The following GALNTL6 variants were observed in gnomAD, a reference collection of about 807,000 sequenced individuals.
The protein encoded by GALNTL6 is polypeptide N-acetylgalactosaminyltransferase like 6.
In GALNTL6, 46 loss-of-function variants were observed where a neutral mutation model predicts 73.7. The ratio of observed to expected loss-of-function variants is 0.62; its 90% CI spans 0.49 to 0.80. The LOEUF (loss-of-function observed/expected upper bound fraction) is 0.80. Ranked by LOEUF, GALNTL6 falls within the 30% of genes least tolerant of loss-of-function variation. The pLI, the probability that GALNTL6 is intolerant of heterozygous loss-of-function variation, is 0.00. For synonymous variants in GALNTL6, 259 were observed against 263.7 expected (o/e 0.98, Z 0.17); for missense variants, 604 against 755.0 (o/e 0.80, Z 2.34).
At chr4:172,069,439 T>C (rs138858845) in intron 2 of GALNTL6, among the ~76,000 whole-genome samples, 1,072 of 80,692 alleles carry the variant, frequency 0.013, 318 homozygotes, top group African/African-American at 0.052. Context: ...ACATATAACA[T>C]ATATATGTAA....
intron 3 of GALNTL6, among the ~76,000 whole-genome samples, chr4:172,290,303 T>A (rs572330808): frequency 3.9e-5 from 6 of 152,314 alleles, no homozygotes; most frequent in Non-Finnish European, 7.4e-5. Flanking sequence ...GACCGAACCA[T>A]ATTTGCTCTA....
intron 5 of GALNTL6, among the ~76,000 whole-genome samples, chr4:172,382,845 T>C (rs1188222028): frequency 6.6e-6 from 1 of 152,108 alleles, no homozygotes; most frequent in Non-Finnish European, 1.5e-5. Flanking sequence ...TTTCAACCCA[T>C]AATTGGGTTG....
At chr4:171,985,069 G>GT (rs901022372) in intron 2 of GALNTL6, among the ~76,000 whole-genome samples, 5 of 150,946 alleles carry the variant, frequency 3.3e-5, no homozygotes, top group African/African-American at 4.9e-5. Flanking sequence ...GTTTTACAAT[G>GT]TTTTTTTTAG....
At chr4:172,137,434 T>A (rs1156446227) in intron 2 of GALNTL6, among the ~76,000 whole-genome samples, 3 of 152,224 alleles carry the variant, frequency 2.0e-5, no homozygotes, top group African/African-American at 7.2e-5. Context: ...AATATGGTAA[T>A]AGTTTCTTCT....
chr4:172,315,501 T>G (rs1178838332), intron 4 of GALNTL6, among the ~76,000 whole-genome samples: 1 of 152,220 alleles, frequency 6.6e-6, no homozygotes, highest in Non-Finnish European at 1.5e-5. Context: ...TCTGCCTGCC[T>G]TGGCCTCCCA....
chr4:172,782,814 T>C (rs898350733), intron 5 of GALNTL6, among the ~76,000 whole-genome samples: 5 of 152,148 alleles, frequency 3.3e-5, no homozygotes, highest in East Asian at 1.9e-4. Context: ...ACTGTGGAGA[T>C]TGAGGAAAAC....
chr4:172,118,885 C>T (rs1733066566), intron 2 of GALNTL6, among the ~76,000 whole-genome samples: 1 of 151,540 alleles, frequency 6.6e-6, no homozygotes, highest in African/African-American at 2.4e-5. Flanking sequence ...ATAGACAATG[C>T]TTCTAGCTTT....
chr4:171,886,591 C>A (rs1023653549), intron 2 of GALNTL6, among the ~76,000 whole-genome samples: 1 of 152,148 alleles, frequency 6.6e-6, no homozygotes, highest in African/African-American at 2.4e-5. Context: ...AGGTTTAATG[C>A]ACTTCCAGTT....
chr4:171,955,148 G>A, intron 2 of GALNTL6, among the ~76,000 whole-genome samples: 1 of 152,092 alleles, frequency 6.6e-6, no homozygotes, highest in East Asian at 1.9e-4. Context: ...GACCTCTTGT[G>A]TAAAAGAAAT....
chr4:172,619,109 G>A (rs1232300934), intron 5 of GALNTL6, among the ~76,000 whole-genome samples: 1 of 152,074 alleles, frequency 6.6e-6, no homozygotes, highest in Admixed American at 6.6e-5. Context: ...TGGGAGAAGA[G>A]TCTTTTTTTT....
intron 2 of GALNTL6, among the ~76,000 whole-genome samples, chr4:171,956,007 T>G (rs1164163397): frequency 8.6e-6 from 1 of 116,698 alleles, no homozygotes; most frequent in East Asian, 3.0e-4. Flanking sequence ...TTTGTGTGTG[T>G]GTGTGTGGGA....
At chr4:172,111,733 T>C (rs368463203) in intron 2 of GALNTL6, among the ~76,000 whole-genome samples, 3 of 152,074 alleles carry the variant, frequency 2.0e-5, no homozygotes, top group Non-Finnish European at 2.9e-5. Flanking sequence ...CTACTACTTA[T>C]ATACATTTTA....
At chr4:172,246,235 A>G (rs113873707) in intron 3 of GALNTL6, among the ~76,000 whole-genome samples, 2 of 152,284 alleles carry the variant, frequency 1.3e-5, no homozygotes, top group African/African-American at 4.8e-5. Context: ...AGGATGACCA[A>G]CTGAGCCTTA....
chr4:172,773,450 C>A (rs1168994550), intron 5 of GALNTL6, among the ~76,000 whole-genome samples: 1 of 152,084 alleles, frequency 6.6e-6, no homozygotes, highest in Non-Finnish European at 1.5e-5. Flanking sequence ...GCAGAATATT[C>A]TTTTGCCAAA....
At chr4:172,248,292 A>G (rs1018929230) in intron 3 of GALNTL6, among the ~76,000 whole-genome samples, 2 of 152,128 alleles carry the variant, frequency 1.3e-5, no homozygotes, top group African/African-American at 4.8e-5. Flanking sequence ...TGCATTAGTA[A>G]CCTCATAGCA....
At chr4:172,113,968 A>G (rs893278050) in intron 2 of GALNTL6, among the ~76,000 whole-genome samples, 1 of 152,132 alleles carries the variant, frequency 6.6e-6, no homozygotes, top group African/African-American at 2.4e-5. Flanking sequence ...ACAAAATTAT[A>G]ACTACTCAAT....
At chr4:171,937,874 T>C (rs1479679049) in intron 2 of GALNTL6, among the ~76,000 whole-genome samples, 1 of 152,190 alleles carries the variant, frequency 6.6e-6, no homozygotes, top group Non-Finnish European at 1.5e-5. Context: ...GATTTTTTAA[T>C]GATAAAAAGG....
intron 2 of GALNTL6, among the ~76,000 whole-genome samples, chr4:172,124,884 C>T (rs1733253424): frequency 6.6e-6 from 1 of 151,874 alleles, no homozygotes; most frequent in Admixed American, 6.6e-5. Context: ...GGGAAGTTTC[C>T]TGGTTACATG....
chr4:172,368,755 G>T (rs1742668487), intron 5 of GALNTL6, among the ~76,000 whole-genome samples: 2 of 152,186 alleles, frequency 1.3e-5, no homozygotes, highest in Non-Finnish European at 2.9e-5. Flanking sequence ...GTGGGTTCTT[G>T]GTCTCGCTGA....
Sources: allele counts gnomAD v4.1 joint callset (sites outside exome capture counted in the v4.1 genomes callset), GRCh38; gene constraint gnomAD v4.1.1; transcripts MANE v1.5; gene names NCBI Gene and HGNC (gene_info 2026-07-23, HGNC 2026-07-21).